TUSC3: variants seen among roughly 807,000 people sequenced by gnomAD.
The protein encoded by TUSC3 is tumor suppressor candidate 3.
In TUSC3, 45 loss-of-function variants were observed where a neutral mutation model predicts 44.8. That is an observed-to-expected ratio of 1.00 (90% confidence interval 0.79 to 1.29). The LOEUF (loss-of-function observed/expected upper bound fraction) is 1.29, where lower values mean the gene tolerates loss of function less well. Ranked by LOEUF, TUSC3 falls within the 50% of genes most tolerant of loss-of-function variation. The pLI is 0.00. For synonymous variants in TUSC3, 212 were observed against 152.9 expected, an observed-to-expected ratio of 1.39 and a Z score of -2.85; for missense variants, 519 against 437.9, an observed-to-expected ratio of 1.19 and a Z score of -1.65.
At chr8:15,644,255 A>T (rs1315982020) in intron 2 of TUSC3, among the ~76,000 whole-genome samples, 1 of 152,200 alleles carries the variant, frequency 6.6e-6, no homozygotes, top group African/African-American at 2.4e-5. Flanking sequence ...TTATTGCCTA[A>T]GCCTTCCTGG....
In TUSC3 at chr8:15,602,469, G is replaced by C. The variant is rs144694097; in HGVS notation, c.139-20611G>C. On this transcript the variant is annotated intron_variant, in intron 1 of 10. Coordinates refer to ENST00000503731, the MANE Select transcript of TUSC3 (RefSeq NM_006765.4). The stretch of plus-strand genomic sequence containing the variant: ...TACATTTTACATCAACTTGTAAAAA[G>C]TATTGTGTTTATTTAGAGGTGATTT... Among the ~76,000 whole-genome samples the C allele has an allele frequency of 8.4e-3, 1,270 of 151,592 alleles. 15 individuals are homozygous for C. Among genetic ancestry groups the C allele is most frequent in the African/African-American group, 0.028 (1,177 of 41,440 alleles).
intron 9 of TUSC3, among the ~76,000 whole-genome samples, chr8:15,754,010 T>A (rs1811817285): frequency 6.6e-6 from 1 of 152,050 alleles, no homozygotes; most frequent in African/African-American, 2.4e-5. Flanking sequence ...TATCCTGTGG[T>A]GAACATAGCA....
intron 1 of TUSC3, among the ~76,000 whole-genome samples, chr8:15,577,673 ATC>A (rs1423730693): frequency 6.9e-5 from 10 of 145,446 alleles, no homozygotes; most frequent in Admixed American, 5.5e-4. Flanking sequence ...ATTGATCTAT[ATC>A]TCTGTTTTGG....
the TUSC3 span, among the ~76,000 whole-genome samples, chr8:15,827,695 C>T: frequency 6.6e-6 from 1 of 152,070 alleles, no homozygotes; most frequent in South Asian, 2.1e-4. Context: ...ACCAGATTAT[C>T]TTCATAAATT....
At chr8:15,583,493 T>G (rs1367534148) in intron 1 of TUSC3, among the ~76,000 whole-genome samples, 1 of 152,222 alleles carries the variant, frequency 6.6e-6, no homozygotes, top group Non-Finnish European at 1.5e-5. Flanking sequence ...TTGTTCCCTT[T>G]GAATTATAAA....
chr8:15,507,800 A>G (rs1367561240), intron 2 of TUSC3, among the ~76,000 whole-genome samples: 1 of 152,178 alleles, frequency 6.6e-6, no homozygotes, highest in African/African-American at 2.4e-5. Context: ...TGTAAGGAAA[A>G]AACTATAGTT....
At position 15,478,166 on chromosome 8, in the gene TUSC3, A is replaced by G. The variant is rs564538408; in HGVS notation, n.92-5220A>G. Among the ~76,000 whole-genome samples, 5 of 152,220 alleles carry G rather than the reference A, an allele frequency of 3.3e-5. 1 individual carries two copies. Among genetic ancestry groups the G allele is most frequent in the African/African-American group, 1.2e-4 (5 of 41,550 alleles). ...GAGACGGGGTTTCTACTAAAAGACC[A>G]TGTGGGCCAGGCTGGTCTCAAAGTC... is the stretch of plus-strand genomic sequence containing the variant. On this transcript the variant is annotated intron_variant and non_coding_transcript_variant, in intron 1 of 5. Transcript: ENST00000503191.
the TUSC3 span, among the ~76,000 whole-genome samples, chr8:15,843,593 C>CATAAGTATATATATATAT: frequency 4.4e-5 from 4 of 91,140 alleles, no homozygotes; most frequent in African/African-American, 3.2e-4. Flanking sequence ...ACTTGATGTA[C>CATAAGTATATATATATAT]ATATATATAT....
chr8:15,850,863 T>C, the TUSC3 span, among the ~76,000 whole-genome samples: 1 of 152,232 alleles, frequency 6.6e-6, no homozygotes, highest in Non-Finnish European at 1.5e-5. Flanking sequence ...TTCTAGCTTC[T>C]ATGAGTTGAA....
chr8:15,613,964 T>C (rs984769285), intron 1 of TUSC3, among the ~76,000 whole-genome samples: 1 of 151,834 alleles, frequency 6.6e-6, no homozygotes, highest in Non-Finnish European at 1.5e-5. Flanking sequence ...CCCTGTGTTA[T>C]CTCCCATGTG....
Position 15,558,304 on chromosome 8 carries a change from C to T in TUSC3, c.138+17736C>T, listed in dbSNP as rs1345290086. 8.7e-5 allele frequency among the ~76,000 whole-genome samples: 4 copies of T among 45,740 alleles called. 2 individuals are homozygous for T. The highest frequency in any genetic ancestry group is 2.6e-4 in the Non-Finnish European group (4 of 15,192). 30.0% of individuals were successfully genotyped at this position (45,740 alleles called of 152,430 possible). ...TTGGCTCTGTTTATATGCTGGATTA[C>T]ATTTATTGATTTGCGTATATTGAAC... On this transcript the variant is annotated intron_variant, in intron 1 of 10. Coordinates refer to ENST00000503731, the MANE Select transcript of TUSC3 (RefSeq NM_006765.4).
intron 2 of TUSC3, among the ~76,000 whole-genome samples, chr8:15,484,038 C>T (rs1800702692): frequency 6.6e-6 from 1 of 152,114 alleles, no homozygotes; most frequent in Non-Finnish European, 1.5e-5. Context: ...TTTTCTCTCC[C>T]ACCGTATTAG....
the TUSC3 span, among the ~76,000 whole-genome samples, chr8:15,832,772 C>G: frequency 0.56 from 85,391 of 151,810 alleles, 26,560 homozygotes; most frequent in Non-Finnish European, 0.72. Flanking sequence ...GGAGCACCCA[C>G]ATTCCTAAAG....
chr8:15,696,584 C>T (rs1415306880), intron 6 of TUSC3, among the ~76,000 whole-genome samples: 5 of 152,172 alleles, frequency 3.3e-5, no homozygotes, highest in Non-Finnish European at 7.3e-5. Flanking sequence ...ATGGTAGATA[C>T]AGTCACAGCT....
chr8:15,618,382 T>G (rs998358046), intron 1 of TUSC3, among the ~76,000 whole-genome samples: 18 of 152,214 alleles, frequency 1.2e-4, no homozygotes, highest in African/African-American at 4.3e-4. Context: ...AATATTTTCT[T>G]TATATCCTTA....
intron 1 of TUSC3, among the ~76,000 whole-genome samples, chr8:15,573,981 A>C (rs1377880543): frequency 2.6e-5 from 4 of 152,144 alleles, no homozygotes; most frequent in Admixed American, 2.6e-4. Context: ...TCCTTTTCTT[A>C]GGTAATTTTA....
At chr8:15,613,220 A>G (rs17577614) in intron 1 of TUSC3, among the ~76,000 whole-genome samples, 76,603 of 150,266 alleles carry the variant, frequency 0.51, 19,568 homozygotes, top group African/African-American at 0.53. Flanking sequence ...TTCATGTAAC[A>G]TGTCTTACAG....
chr8:15,459,586 C>T (rs776740525), intron 1 of TUSC3, among the ~76,000 whole-genome samples: 3 of 152,004 alleles, frequency 2.0e-5, no homozygotes, highest in Non-Finnish European at 2.9e-5. Flanking sequence ...GTATACACTG[C>T]ACCCTATTTG....
chr8:15,790,174 A>G, the TUSC3 span, among the ~76,000 whole-genome samples: 2 of 141,058 alleles, frequency 1.4e-5, no homozygotes, highest in Non-Finnish European at 3.0e-5. Flanking sequence ...GGTCATTGTT[A>G]AGGCCTTTTT....
Sources: gnomAD v4.1 joint callset for allele counts (sites outside exome capture counted in the v4.1 genomes callset) on GRCh38, gnomAD v4.1.1 for gene constraint, MANE v1.5 for transcripts, NCBI Gene and HGNC (gene_info 2026-07-23, HGNC 2026-07-21) for gene names.